Variants in CAB39 observed in about 807,000 individuals in gnomAD.
CAB39 encodes the protein calcium-binding protein 39.
Under a neutral mutation model 40.0 loss-of-function variants are expected in CAB39, and 8 were observed. That is an observed-to-expected ratio of 0.20 (90% CI 0.12 to 0.36). The LOEUF (loss-of-function observed/expected upper bound fraction) is 0.36. Ranked by LOEUF, CAB39 falls within the 10% of genes least tolerant of loss-of-function variation. The probability of loss-of-function intolerance (pLI) is 1.00; values close to 1 mark genes in which losing one functional copy is unlikely to be tolerated. For missense variants in CAB39, 270 were observed against 401.1 expected (o/e 0.67, Z 2.79); for synonymous variants, 156 against 141.6 (o/e 1.10, Z -0.72).
intron 1 of CAB39, among the ~76,000 whole-genome samples, chr2:230,727,623 C>A (rs1158430845): frequency 6.6e-6 from 1 of 151,542 alleles, no homozygotes; most frequent in Non-Finnish European, 1.5e-5. Flanking sequence ...TGCTATGTTG[C>A]CTAGGCTGGT....
At chr2:230,749,346 T>G (rs886083909) in intron 1 of CAB39, among the ~76,000 whole-genome samples, 1 of 152,166 alleles carries the variant, frequency 6.6e-6, no homozygotes, top group African/African-American at 2.4e-5. Context: ...CTGGCTCATC[T>G]TGGGTATTTC....
intron 1 of CAB39, among the ~76,000 whole-genome samples, chr2:230,744,580 C>G (rs1432377982): frequency 6.6e-6 from 1 of 152,258 alleles, no homozygotes; most frequent in African/African-American, 2.4e-5. Context: ...GCGTGAGCCA[C>G]CACGCCTGGC....
At position 230,818,981 on chromosome 2, in the gene CAB39, C is replaced by A; in HGVS notation, c.*277C>A. ...CTGAACATGGCTGGGTTCATGAAGG[C>A]AAATGTATGGATGAGAGTGTGGTTT... On this transcript the variant is annotated 3_prime_UTR_variant, in exon 9 of 9. Transcript: ENST00000258418. 3.0e-6 allele frequency: 1 copy of A among 330,510 alleles called. No individual in the cohort carries two copies. 20.5% of individuals were successfully genotyped at this position (330,510 alleles called of 1,614,324 possible). A position where few individuals can be genotyped will look rare whatever the true frequency, so the allele number is the denominator to read the frequency against.
chr2:230,757,811 C>T (rs1291765472), intron 1 of CAB39, among the ~76,000 whole-genome samples: 1 of 151,990 alleles, frequency 6.6e-6, no homozygotes, highest in African/African-American at 2.4e-5. Flanking sequence ...GCATGCTTCC[C>T]CCCCACCCCC....
chr2:230,714,697 C>G (rs1213859275), intron 1 of CAB39, among the ~76,000 whole-genome samples: 1 of 152,170 alleles, frequency 6.6e-6, no homozygotes, highest in East Asian at 1.9e-4. Flanking sequence ...AGACCTTTTA[C>G]AGAAAGGTAA....
intron 2 of CAB39, among the ~76,000 whole-genome samples, chr2:230,769,202 G>A (rs1695441157): frequency 6.6e-6 from 1 of 152,294 alleles, no homozygotes; most frequent in South Asian, 2.1e-4. Context: ...TGTTCCAACA[G>A]ATATAATAAT....
chr2:230,734,805 C>G (rs113427068), intron 1 of CAB39, among the ~76,000 whole-genome samples: 11 of 151,860 alleles, frequency 7.2e-5, no homozygotes, highest in Non-Finnish European at 1.5e-4. Flanking sequence ...CATTCCACCC[C>G]GACGAAGGAG....
intron 1 of CAB39, chr2:230,752,234 T>C (rs367822283): frequency 6.9e-6 from 1 of 145,886 alleles, no homozygotes. Flanking sequence ...ACTTGTGAAA[T>C]GTTACATATT....
chr2:230,813,976 GTCTTTTTTTTTTT>G, intron 6 of CAB39, 60 bp from the exon 7 acceptor site: 2 of 261,654 alleles, frequency 7.6e-6, no homozygotes, highest in Non-Finnish European at 1.2e-5. Flanking sequence ...TTACCTACCA[GTCTTTTTTTTTTT>G]TTTTTTTTTT....
At chr2:230,803,546 A>G (rs1466657902) in intron 5 of CAB39, among the ~76,000 whole-genome samples, 14 of 152,358 alleles carry the variant, frequency 9.2e-5, no homozygotes, top group South Asian at 8.3e-4. Flanking sequence ...CTGATAAGCA[A>G]CTTCAGCAAA....
chr2:230,737,378 C>A (rs527647492), intron 1 of CAB39, among the ~76,000 whole-genome samples: 2 of 152,118 alleles, frequency 1.3e-5, no homozygotes, highest in African/African-American at 4.8e-5. Context: ...CCTGTCTCCC[C>A]GCTACCCTCT....
At chr2:230,804,735 A>C (rs58974337) in intron 5 of CAB39, among the ~76,000 whole-genome samples, 9,010 of 152,274 alleles carry the variant, frequency 0.059, 911 homozygotes, top group African/African-American at 0.2. Flanking sequence ...ATCATTAAAA[A>C]GTCAGGAAAC....
chr2:230,758,217 C>T (rs1251175861), intron 1 of CAB39, among the ~76,000 whole-genome samples: 2 of 149,890 alleles, frequency 1.3e-5, no homozygotes, highest in African/African-American at 5.0e-5. Context: ...GCACAAGAAT[C>T]ACTTGAACCT....
At chr2:230,757,105 T>A (rs1695206228) in intron 1 of CAB39, among the ~76,000 whole-genome samples, 2 of 152,246 alleles carry the variant, frequency 1.3e-5, no homozygotes, top group South Asian at 2.1e-4. Flanking sequence ...ACTGTGTTTC[T>A]TTTCCTCCTT....
rs190242891 is a variant in CAB39, at chr2:230,820,591, A to C, written c.*1887A>C. 30 of 152,650 alleles carry C rather than the reference A, an allele frequency of 2.0e-4. 1 individual carries two copies. The East Asian group carries it at 5.6e-3, about 28-fold the overall frequency. 9.5% of individuals were successfully genotyped at this position (152,650 alleles called of 1,614,324 possible). Reference sequence around the variant, plus strand: ...TTAGTGTAAAAACATGGATTACACCAAGTGGAAGAAACGTCTTCTTGCCAA... The same window carrying C: ...TTAGTGTAAAAACATGGATTACACCCAGTGGAAGAAACGTCTTCTTGCCAA... On this transcript the variant is annotated 3_prime_UTR_variant, in exon 9 of 9. Coordinates refer to ENST00000258418, the MANE Select transcript of CAB39 (RefSeq NM_016289.4).
At chr2:230,763,712 G>A (rs993851194) in intron 2 of CAB39, among the ~76,000 whole-genome samples, 1 of 152,144 alleles carries the variant, frequency 6.6e-6, no homozygotes, top group African/African-American at 2.4e-5. Flanking sequence ...TGCAATTGGT[G>A]GTTTCTTGAT....
Position 230,791,069 on chromosome 2 carries a change from G to A in CAB39, c.279+33G>A, listed in dbSNP as rs754222179. ...ATCAATTTCTTATTTTTAAAAAACA[G>A]TACCCTGTGCATAATTCTTTTCCAT... On this transcript the variant is annotated intron_variant, in intron 3 of 8. Transcript: ENST00000258418. The A allele has an allele frequency of 4.8e-6, 7 of 1,453,340 alleles. No individual in the cohort carries two copies. The Admixed American group carries it at 1.5e-4, about 30-fold the overall frequency. The allele number at this position is 1,453,340 out of a possible 1,614,324, so 90.0% of individuals were successfully genotyped here. A position where few individuals can be genotyped will look rare whatever the true frequency, so the allele number is the denominator to read the frequency against.
chr2:230,722,027 T>C (rs1694462783), intron 1 of CAB39, among the ~76,000 whole-genome samples: 1 of 151,840 alleles, frequency 6.6e-6, no homozygotes, highest in Non-Finnish European at 1.5e-5. Flanking sequence ...ACTAAGATTG[T>C]AGTGGCTTTC....
chr2:230,753,145 G>A (rs1695119118), intron 1 of CAB39, among the ~76,000 whole-genome samples: 1 of 152,118 alleles, frequency 6.6e-6, no homozygotes, highest in Non-Finnish European at 1.5e-5. Flanking sequence ...GAAAGGAAAG[G>A]GCATTGGGAG....
Sources: allele counts gnomAD v4.1 joint callset (sites outside exome capture counted in the v4.1 genomes callset), GRCh38; gene constraint gnomAD v4.1.1; transcripts MANE v1.5; gene names NCBI Gene and HGNC (gene_info 2026-07-23, HGNC 2026-07-21).